UGT1A10: variants seen among roughly 807,000 people sequenced by gnomAD.
The protein encoded by UGT1A10 is UDP-glucuronosyltransferase 1A10.
UGT1A10 carries 49 observed loss-of-function variants against 45.8 expected under a neutral mutation model. That is an observed-to-expected ratio of 1.07 (90% CI 0.85 to 1.36). The LOEUF (loss-of-function observed/expected upper bound fraction) is 1.36, where lower values mean the gene tolerates loss of function less well. Ranked by LOEUF, UGT1A10 falls within the 40% of genes most tolerant of loss-of-function variation. The pLI, the probability that UGT1A10 is intolerant of heterozygous loss-of-function variation, is 0.00. For missense variants in UGT1A10, 745 were observed against 668.6 expected, an observed-to-expected ratio of 1.11 and a Z score of -1.26; for synonymous variants, 284 against 249.7, an observed-to-expected ratio of 1.14 and a Z score of -1.29.
intron 1 of UGT1A10, among the ~76,000 whole-genome samples, chr2:233,658,774 G>A (rs980417656): frequency 1.3e-5 from 2 of 152,112 alleles, no homozygotes; most frequent in East Asian, 3.9e-4. Flanking sequence ...GTAAAAACTT[G>A]GTTGTTCATA....
intron 4 of UGT1A10, chr2:233,770,813 A>G (rs910931761): frequency 2.0e-5 from 3 of 152,228 alleles, no homozygotes; most frequent in African/African-American, 7.2e-5. Flanking sequence ...ACAGTGTATT[A>G]GGCTGTTCTT....
intron 1 of UGT1A10, chr2:233,719,836 T>G: frequency 6.5e-7 from 1 of 1,539,550 alleles, no homozygotes; most frequent in Non-Finnish European, 8.7e-7. Context: ...AGGGGCCTAG[T>G]GTATTTCAAG....
At chr2:233,680,241 A>T (rs2074479901) in intron 1 of UGT1A10, among the ~76,000 whole-genome samples, 1 of 152,154 alleles carries the variant, frequency 6.6e-6, no homozygotes, top group Non-Finnish European at 1.5e-5. Context: ...AGGTTTAAAA[A>T]ATTACACTAA....
intron 1 of UGT1A10, among the ~76,000 whole-genome samples, chr2:233,722,841 G>GTT (rs1454578940): frequency 8.8e-6 from 1 of 113,218 alleles, no homozygotes. Context: ...TAATAAGAAT[G>GTT]TTTCTTTTTT....
intron 1 of UGT1A10, among the ~76,000 whole-genome samples, chr2:233,700,741 C>CTT (rs1337055948): frequency 1.3e-5 from 2 of 151,592 alleles, no homozygotes; most frequent in Non-Finnish European, 2.9e-5. Flanking sequence ...TATTATTATA[C>CTT]TTTAAGTTTT....
In UGT1A10 at chr2:233,768,276, A is replaced by T. The variant is rs771550944; in HGVS notation, c.1132A>T (p.Ser378Cys). The T allele has an allele frequency of 3.1e-6, 5 of 1,614,024 alleles. No homozygotes were observed. In the African/African-American group the frequency reaches 6.7e-5, roughly 22 times the overall value. Residue 378 changes from serine (S) to cysteine (C), a missense_variant, in exon 4 of 5, where the codon AGC becomes TGC. Coordinates refer to ENST00000344644, the MANE Select transcript of UGT1A10 (RefSeq NM_019075.4). ...TGCTGGTTCCCATGGTGTTTATGAA[A>T]GCATATGCAATGGCGTTCCCATGGT... ...THAGSHGVYE[S>C]ICNGVPMVMM... is the part of the protein sequence containing the mutation.
intron 1 of UGT1A10, among the ~76,000 whole-genome samples, chr2:233,720,702 T>C (rs983825744): frequency 6.7e-6 from 1 of 150,354 alleles, no homozygotes; most frequent in African/African-American, 2.5e-5. Flanking sequence ...AAGGGAGCCA[T>C]CCTTTTTTTT....
chr2:233,644,496 G>T (rs1236197434), intron 1 of UGT1A10, among the ~76,000 whole-genome samples: 3 of 152,090 alleles, frequency 2.0e-5, no homozygotes, highest in African/African-American at 7.2e-5. Flanking sequence ...CGGAGGCAGA[G>T]GCTGCAGTGA....
In UGT1A10 at chr2:233,769,480, C is replaced by T. The variant is rs1027796566; in HGVS notation, c.1295+1041C>T. 1.4e-5 allele frequency: 23 copies of T among 1,596,558 alleles called. No homozygotes were observed. Among genetic ancestry groups the T allele is most frequent in the African/African-American group, 1.3e-4 (10 of 74,384 alleles). ...ATTCATATGCGTGTGTGTGTGTGTGCGTGTGTTTATGAGAGTGTCCATTGC... is the reference window on the plus strand; with the variant it reads ...ATTCATATGCGTGTGTGTGTGTGTGTGTGTGTTTATGAGAGTGTCCATTGC... On this transcript the variant is annotated intron_variant, in intron 4 of 4. Coordinates refer to ENST00000344644, the MANE Select transcript of UGT1A10 (RefSeq NM_019075.4). The surrounding 1 kb of genome is among the most constrained non-coding windows in gnomAD (Gnocchi z 4.4).
At chr2:233,755,114 G>A (rs761865052) in intron 1 of UGT1A10, 3 of 1,331,932 alleles carry the variant, frequency 2.3e-6, no homozygotes, top group South Asian at 2.3e-5. Context: ...ACACCTCGTA[G>A]GCCTCAGCCA....
chr2:233,657,107 C>G (rs188890664), intron 1 of UGT1A10, among the ~76,000 whole-genome samples: 239 of 152,258 alleles, frequency 1.6e-3, no homozygotes, highest in South Asian at 8.3e-3. Flanking sequence ...ACACAATACA[C>G]CGTCTCTTTG....
chr2:233,646,950 TAA>T (rs1364564512), intron 1 of UGT1A10, among the ~76,000 whole-genome samples: 5 of 152,156 alleles, frequency 3.3e-5, no homozygotes, highest in Admixed American at 6.5e-5. Flanking sequence ...TGCCTGAGAC[TAA>T]GGAATTTACA....
chr2:233,755,203 A>G, intron 1 of UGT1A10: 1 of 1,097,556 alleles, frequency 9.1e-7, no homozygotes, highest in Non-Finnish European at 1.3e-6. Flanking sequence ...AGCTTGCGGT[A>G]CGCCTTCTTG....
chr2:233,712,511 T>C (rs2013018), intron 1 of UGT1A10, among the ~76,000 whole-genome samples: 15,485 of 152,220 alleles, frequency 0.1, 907 homozygotes, highest in East Asian at 0.2. Context: ...TTGTCTGCAT[T>C]TTGGATGTGC....
rs1443134850 is a variant in UGT1A10, at chr2:233,719,013, G to A, written c.856-48021G>A. 5 of 1,614,222 alleles carry A rather than the reference G, an allele frequency of 3.1e-6. No homozygotes were observed. The African/African-American group carries it at 5.3e-5, about 17-fold the overall frequency. On this transcript the variant is annotated intron_variant, in intron 1 of 4. Transcript: ENST00000344644. ...CCAGGCGGTGGTCCTCACCCCAGAG[G>A]TGAATATGCACATCAAAGAAGAGAA... is the stretch of plus-strand genomic sequence containing the variant.
intron 1 of UGT1A10, among the ~76,000 whole-genome samples, chr2:233,722,425 T>G (rs1224691160): frequency 6.6e-6 from 1 of 152,236 alleles, no homozygotes; most frequent in African/African-American, 2.4e-5. Context: ...ATGGATAGGT[T>G]GAATTATTTG....
In UGT1A10 at chr2:233,746,570, C is replaced by T. The variant is rs537470722; in HGVS notation, c.856-20464C>T. Among the ~76,000 whole-genome samples the T allele has an allele frequency of 1.8e-3, 270 of 151,834 alleles. 4 individuals are homozygous for T. The highest frequency in any genetic ancestry group is 3.0e-3 in the Non-Finnish European group (201 of 68,008). ...CTTCTTAGCCCCTAGAGCACCACACCCTGTAATTGCCTAGTTGTGAGTTTG... is the reference window on the plus strand; with the variant it reads ...CTTCTTAGCCCCTAGAGCACCACACTCTGTAATTGCCTAGTTGTGAGTTTG... On this transcript the variant is annotated intron_variant, in intron 1 of 4. Coordinates refer to ENST00000344644, the MANE Select transcript of UGT1A10 (RefSeq NM_019075.4).
At chr2:233,719,356 A>T (rs751560022) in intron 1 of UGT1A10, 4 of 1,613,848 alleles carry the variant, frequency 2.5e-6, no homozygotes, top group Non-Finnish European at 3.4e-6. Context: ...ATTCCATGTG[A>T]CTTAGACTTT....
intron 1 of UGT1A10, among the ~76,000 whole-genome samples, chr2:233,696,800 T>C (rs1221505832): frequency 1.3e-5 from 2 of 152,202 alleles, no homozygotes; most frequent in East Asian, 3.8e-4. Context: ...GTATGTTCCT[T>C]CTGTAGCCAG....
Sources: allele counts gnomAD v4.1 joint callset (sites outside exome capture counted in the v4.1 genomes callset), GRCh38; gene constraint gnomAD v4.1.1; non-coding constraint Gnocchi (gnomAD v3.1); transcripts MANE v1.5; gene names NCBI Gene and HGNC (gene_info 2026-07-23, HGNC 2026-07-21).